The following PKIG variants were observed in gnomAD, a reference collection of about 807,000 sequenced individuals.
The protein encoded by PKIG is cAMP-dependent protein kinase inhibitor gamma, also known as protein kinase (cAMP-dependent, catalytic) inhibitor gamma.
PKIG carries 1 observed loss-of-function variant against 6.8 expected under a neutral mutation model. The ratio of observed to expected loss-of-function variants is 0.15; its 90% CI spans 0.05 to 0.69. The LOEUF (loss-of-function observed/expected upper bound fraction) is 0.69, where lower values mean the gene tolerates loss of function less well. Ranked by LOEUF, PKIG falls within the 30% of genes least tolerant of loss-of-function variation. The pLI is 0.82. For missense variants in PKIG, 77 were observed against 104.0 expected (o/e 0.74, Z 1.13); for synonymous variants, 39 against 43.0 (o/e 0.91, Z 0.36).
intron 1 of PKIG, among the ~76,000 whole-genome samples, chr20:44,541,115 C>T (rs936645325): frequency 6.6e-6 from 1 of 152,114 alleles, no homozygotes. Flanking sequence ...ATGATGGTAG[C>T]AAGAGTAGCC....
At chr20:44,572,998 G>A (rs967936010) in intron 1 of PKIG, among the ~76,000 whole-genome samples, 13 of 152,238 alleles carry the variant, frequency 8.5e-5, no homozygotes, top group Admixed American at 2.0e-4. Context: ...GGGGCCCCAT[G>A]GCTGTTGACT....
intron 1 of PKIG, among the ~76,000 whole-genome samples, chr20:44,550,074 A>G (rs1009275376): frequency 4.7e-5 from 7 of 150,068 alleles, no homozygotes; most frequent in Non-Finnish European, 8.9e-5. Context: ...TTTTTTATGT[A>G]TTGAATCTTT....
chr20:44,548,398 T>A (rs2064636002), intron 1 of PKIG, among the ~76,000 whole-genome samples: 1 of 152,190 alleles, frequency 6.6e-6, no homozygotes, highest in Admixed American at 6.5e-5. Flanking sequence ...GGCAGAGTCA[T>A]TTGTCAGCCT....
At position 44,552,373 on chromosome 20, in the gene PKIG, T is replaced by C. The variant is rs146423508; in HGVS notation, c.-241+20395T>C. The stretch of plus-strand genomic sequence containing the variant: ...CAGTAGTAATTTCCTGGGCAACTTA[T>C]GTGTGGCGGGCCTTGTTTGGGATCT... On this transcript the variant is annotated intron_variant, in intron 1 of 4. Transcript: ENST00000372887. 4.8e-3 allele frequency among the ~76,000 whole-genome samples: 725 copies of C among 152,334 alleles called. 6 individuals are homozygous for C. The highest frequency in any genetic ancestry group is 4.2e-3 in the Non-Finnish European group (284 of 68,034).
At chr20:44,554,302 C>T (rs2064694735) in intron 1 of PKIG, among the ~76,000 whole-genome samples, 2 of 152,078 alleles carry the variant, frequency 1.3e-5, no homozygotes, top group Middle Eastern at 3.4e-3. Flanking sequence ...AGGCTGGTCT[C>T]GAACTCCGGC....
chr20:44,545,945 T>A (rs2064609818), intron 1 of PKIG, among the ~76,000 whole-genome samples: 1 of 151,784 alleles, frequency 6.6e-6, no homozygotes, highest in Non-Finnish European at 1.5e-5. Flanking sequence ...TTGCTTGAAC[T>A]TACTCTCAAG....
chr20:44,585,746 GTTCTCCAGTTCATTACCATTTGCGCAT>G (rs2064984597), intron 1 of PKIG, among the ~76,000 whole-genome samples: 2 of 152,368 alleles, frequency 1.3e-5, no homozygotes, highest in South Asian at 4.1e-4. Flanking sequence ...AGGCAGGTGT[GTTCTCCAGTTCATTACCATTTGCGCAT>G]TCCCCTGTGC....
intron 2 of PKIG, among the ~76,000 whole-genome samples, chr20:44,605,339 G>A (rs191950704): frequency 2.0e-5 from 3 of 150,528 alleles, no homozygotes; most frequent in East Asian, 3.9e-4. Context: ...CCCAGGAGGC[G>A]GAGCTTGCAG....
chr20:44,588,710 G>A (rs1170856040), intron 1 of PKIG, among the ~76,000 whole-genome samples: 1 of 151,936 alleles, frequency 6.6e-6, no homozygotes, highest in African/African-American at 2.4e-5. Context: ...GAAGGGTGCT[G>A]GATTATTCCT....
intron 1 of PKIG, among the ~76,000 whole-genome samples, chr20:44,542,135 A>T (rs6031651): frequency 0.07 from 10,711 of 152,256 alleles, 414 homozygotes; most frequent in South Asian, 0.15. Flanking sequence ...TCTGTTAGCC[A>T]ATCCTTAGAA....
At chr20:44,613,305 A>G (rs2065235540) in intron 2 of PKIG, among the ~76,000 whole-genome samples, 1 of 152,118 alleles carries the variant, frequency 6.6e-6, no homozygotes, top group African/African-American at 2.4e-5. Context: ...AGCTGGAACT[A>G]CAGGCGCCCG....
At chr20:44,547,953 G>A (rs190528171) in intron 1 of PKIG, among the ~76,000 whole-genome samples, 5 of 152,162 alleles carry the variant, frequency 3.3e-5, no homozygotes, top group East Asian at 3.9e-4. Flanking sequence ...TGAGGCAGGC[G>A]GATCACTGGA....
intron 1 of PKIG, among the ~76,000 whole-genome samples, chr20:44,544,655 T>C (rs1600839168): frequency 1.3e-5 from 2 of 152,344 alleles, no homozygotes; most frequent in Non-Finnish European, 2.9e-5. Context: ...CCAACCACCA[T>C]GTTCAGTTTA....
At chr20:44,586,408 C>A (rs2064990511) in intron 1 of PKIG, among the ~76,000 whole-genome samples, 1 of 152,180 alleles carries the variant, frequency 6.6e-6, no homozygotes, top group South Asian at 2.1e-4. Context: ...CTGTGATGAA[C>A]CCTGGAGCTG....
At chr20:44,570,239 C>T (rs2064843313) in intron 1 of PKIG, among the ~76,000 whole-genome samples, 1 of 152,242 alleles carries the variant, frequency 6.6e-6, no homozygotes, top group East Asian at 1.9e-4. Context: ...CCCTTGTTTA[C>T]CAAAACGTAA....
At chr20:44,566,968 T>C (rs1266442327) in intron 1 of PKIG, among the ~76,000 whole-genome samples, 2 of 152,210 alleles carry the variant, frequency 1.3e-5, no homozygotes, top group Non-Finnish European at 2.9e-5. Context: ...TTATCCAAGA[T>C]CTGTTTCATT....
intron 1 of PKIG, among the ~76,000 whole-genome samples, chr20:44,554,922 A>G (rs1600847895): frequency 6.6e-6 from 1 of 152,178 alleles, no homozygotes; most frequent in East Asian, 1.9e-4. Flanking sequence ...CTTTTGTTCT[A>G]TAGTAATGTG....
intron 1 of PKIG, among the ~76,000 whole-genome samples, chr20:44,568,651 A>T (rs961712502): frequency 1.3e-5 from 2 of 151,930 alleles, no homozygotes; most frequent in Non-Finnish European, 2.9e-5. Context: ...GCGTTTCACC[A>T]TCTTGGCCAG....
intron 1 of PKIG, among the ~76,000 whole-genome samples, chr20:44,565,026 G>A (rs981740579): frequency 1.3e-5 from 2 of 152,128 alleles, no homozygotes; most frequent in African/African-American, 2.4e-5. Flanking sequence ...ACCTTGATAC[G>A]AATACTACTA....
Sources: allele counts gnomAD v4.1 joint callset (sites outside exome capture counted in the v4.1 genomes callset), GRCh38; gene constraint gnomAD v4.1.1; transcripts MANE v1.5; gene names NCBI Gene and HGNC (gene_info 2026-07-23, HGNC 2026-07-21).